SSR3: variants seen among roughly 807,000 people sequenced by gnomAD.
The protein encoded by SSR3 is translocon-associated protein subunit gamma.
A neutral mutation model predicts 22.1 loss-of-function variants in SSR3; 10 were observed. That is an observed-to-expected ratio of 0.45 (90% CI 0.28 to 0.77). The LOEUF is 0.77. Among genes scored for constraint, SSR3 ranks in the 30% least tolerant of loss-of-function variants. The pLI, the probability that SSR3 is intolerant of heterozygous loss-of-function variation, is 0.13. For missense variants in SSR3, 181 were observed against 220.5 expected, an observed-to-expected ratio of 0.82 and a Z score of 1.13; for synonymous variants, 104 against 82.5, an observed-to-expected ratio of 1.26 and a Z score of -1.42.
chr3:156,551,972 G>A (rs550521827), intron 2 of SSR3, among the ~76,000 whole-genome samples: 18 of 152,176 alleles, frequency 1.2e-4, no homozygotes, highest in African/African-American at 4.1e-4. Context: ...TGCATTCCAG[G>A]GGTCTAGAAG....
At chr3:156,554,885 G>A (rs1039249761) in intron 1 of SSR3, 72 bp downstream of exon 1, 20 of 1,547,864 alleles carry the variant, frequency 1.3e-5, no homozygotes, top group African/African-American at 4.1e-5. Flanking sequence ...CCTGCTCGCC[G>A]GGTCCTGCCA....
rs374738894 is a variant in SSR3 at position 156,553,800 on chromosome 3, G to C, written c.134-19C>G. On this transcript the variant is annotated intron_variant, in intron 1 of 4. Coordinates refer to ENST00000265044, the MANE Select transcript of SSR3 (RefSeq NM_007107.5). Reference sequence around the variant, plus strand: ...TATAACCCTGAATTAAAATAAAAGGGGGAAGGGTACAAAAAGAAGCAAAAC... The same window carrying C: ...TATAACCCTGAATTAAAATAAAAGGCGGAAGGGTACAAAAAGAAGCAAAAC... 124 of 1,580,506 alleles carry C rather than the reference G, an allele frequency of 7.8e-5. 1 individual carries two copies. The African/African-American group carries it at 1.5e-3, about 19-fold the overall frequency.
In SSR3 at chr3:156,543,216, G is replaced by C; in HGVS notation, c.545C>G (p.Thr182Ser). Residue 182 changes from threonine to serine, a missense_variant, in exon 5 of 5, where the codon ACT becomes AGT. Coordinates refer to ENST00000265044, the MANE Select transcript of SSR3 (RefSeq NM_007107.5). The stretch of plus-strand genomic sequence containing the variant: ...AGCTGACATGGTCTATTTGGAGCCA[G>C]TAGACAGGAGGGCGATGAGTCCTGA... The part of the protein sequence containing the change: ...ASSGLIALLS[T>S]GSK 4 of 1,613,838 alleles carry C rather than the reference G, an allele frequency of 2.5e-6. No individual in the cohort carries two copies. Among genetic ancestry groups the C allele is most frequent in the Non-Finnish European group, 3.4e-6 (4 of 1,179,900 alleles).
At chr3:156,549,148 C>G in intron 2 of SSR3, 145 bp from the exon 3 acceptor site, 1 of 834,544 alleles carries the variant, frequency 1.2e-6, no homozygotes, top group South Asian at 2.4e-5. Flanking sequence ...GCAGAAAGTT[C>G]CAAGTTTATT....
At chr3:156,543,407 C>A in intron 4 of SSR3, 138 bp from the exon 5 acceptor site, 1 of 557,556 alleles carries the variant, frequency 1.8e-6, no homozygotes, top group Non-Finnish European at 3.1e-6. Flanking sequence ...GCCCCATTGT[C>A]TGCAAACACA....
chr3:156,545,214 A>G (rs1203205479), intron 3 of SSR3, among the ~76,000 whole-genome samples: 1 of 152,198 alleles, frequency 6.6e-6, no homozygotes, highest in Non-Finnish European at 1.5e-5. Context: ...TGTGAACTCA[A>G]TCAAGTGGAT....
At chr3:156,554,929 C>T (rs1042537853) in intron 1 of SSR3, 28 bp downstream of exon 1, 2 of 1,604,982 alleles carry the variant, frequency 1.2e-6, no homozygotes, top group Admixed American at 1.7e-5. Flanking sequence ...CGGCGGCCTG[C>T]CTAACCCGCC....
In SSR3 at chr3:156,553,883, C is replaced by G. The variant is rs1250538899; in HGVS notation, c.134-102G>C. On this transcript the variant is annotated intron_variant, in intron 1 of 4. Transcript: ENST00000265044. ...AATTATAGCTAAGCCTGGTAAAATA[C>G]CAGGTTATTAGTTATGCAATCCAAT... 6.3e-5 allele frequency: 77 copies of G among 1,217,386 alleles called. 1 individual carries two copies. In the Middle Eastern group the frequency reaches 8.7e-4, roughly 14 times the overall value. The allele number at this position is 1,217,386 out of a possible 1,614,324, so 75.4% of individuals were successfully genotyped here. A position where few individuals can be genotyped will look rare whatever the true frequency, so the allele number is the denominator to read the frequency against.
At chr3:156,551,233 A>C (rs1719941233) in intron 2 of SSR3, among the ~76,000 whole-genome samples, 1 of 152,258 alleles carries the variant, frequency 6.6e-6, no homozygotes, top group African/African-American at 2.4e-5. Flanking sequence ...AAGGAGTATA[A>C]AATATGGCGG....
chr3:156,546,619 G>A (rs538889889), intron 3 of SSR3, among the ~76,000 whole-genome samples: 1 of 152,248 alleles, frequency 6.6e-6, no homozygotes, highest in East Asian at 1.9e-4. Flanking sequence ...ACCCCCAAAT[G>A]CCCTCATTGC....
rs16826514 is a variant in SSR3 at position 156,548,976 on chromosome 3, A to G, written c.288T>C (p.Val96=). 6.9e-3 allele frequency: 11,193 copies of G among 1,613,316 alleles called. 396 individuals are homozygous for G. In the East Asian group the frequency reaches 0.097, roughly 14 times the overall value. The stretch of plus-strand genomic sequence containing the variant: ...AAAGTTTTCGAGTCACTTCTTTGGA[A>G]ACAGCATCCTCCCTCTTCTGTGCTA... ...HKVAQKREDA[V]SKEVTRKLSE... is the part of the protein sequence containing the mutation. Residue 96 remains valine (V), a synonymous_variant, in exon 3 of 5, where the codon GTT becomes GTC. Transcript: ENST00000265044.
intron 3 of SSR3, among the ~76,000 whole-genome samples, chr3:156,545,953 T>C (rs538159446): frequency 1.3e-5 from 2 of 152,338 alleles, no homozygotes; most frequent in African/African-American, 4.8e-5. Flanking sequence ...TGAGACCCAG[T>C]GAAGTCAGGT....
intron 2 of SSR3, among the ~76,000 whole-genome samples, chr3:156,553,223 A>G (rs1459843949): frequency 6.6e-6 from 1 of 152,126 alleles, no homozygotes; most frequent in East Asian, 1.9e-4. Context: ...ATGCCACTGC[A>G]CTGCAGACTG....
chr3:156,542,966 C>T lies in SSR3; in HGVS notation c.*237G>A. On this transcript the variant is annotated 3_prime_UTR_variant, in exon 5 of 5. Transcript: ENST00000265044. The stretch of plus-strand genomic sequence containing the variant: ...CTTGTGATTACAGCACATTGCAAGA[C>T]ATTTTTTTCCTTTTAATAAACGTCC... 2 of 432,104 alleles carry T rather than the reference C, an allele frequency of 4.6e-6. No homozygotes were observed. Among genetic ancestry groups the T allele is most frequent in the Non-Finnish European group, 8.2e-6 (2 of 243,382 alleles). The allele number at this position is 432,104 out of a possible 1,614,324, so 26.8% of individuals were successfully genotyped here. A position where few individuals can be genotyped will look rare whatever the true frequency, so the allele number is the denominator to read the frequency against.
chr3:156,554,028 TAAAA>T (rs1669530360), intron 1 of SSR3: 2 of 322,132 alleles, frequency 6.2e-6, no homozygotes, highest in Admixed American at 4.9e-5. Flanking sequence ...TTTCAACTTC[TAAAA>T]TGAGAACAAA....
At chr3:156,554,577 T>A (rs1032060913) in intron 1 of SSR3, among the ~76,000 whole-genome samples, 8 of 152,136 alleles carry the variant, frequency 5.3e-5, no homozygotes, top group African/African-American at 1.9e-4. Context: ...TTATGCAAAA[T>A]AAGTAATAAG....
In SSR3 at chr3:156,543,098, A is replaced by G; in HGVS notation, c.*105T>C. ...TTCTGCTGGGTTTTTTAAAGGCTCT[A>G]GACTATAAAAACATCTTGTGTCTCC... On this transcript the variant is annotated 3_prime_UTR_variant, in exon 5 of 5. Transcript: ENST00000265044. The G allele has an allele frequency of 2.2e-6, 2 of 913,586 alleles. No homozygotes were observed. The highest frequency in any genetic ancestry group is 3.4e-6 in the Non-Finnish European group (2 of 586,812). The allele number at this position is 913,586 out of a possible 1,614,324, so 56.6% of individuals were successfully genotyped here. A position where few individuals can be genotyped will look rare whatever the true frequency, so the allele number is the denominator to read the frequency against.
chr3:156,544,087 T>C, intron 4 of SSR3: 1 of 414,724 alleles, frequency 2.4e-6, no homozygotes, highest in Non-Finnish European at 4.2e-6. Context: ...TAGACTACTT[T>C]GTAATACTTT....
intron 3 of SSR3, among the ~76,000 whole-genome samples, chr3:156,546,390 C>T (rs1458010488): frequency 6.6e-6 from 1 of 152,206 alleles, no homozygotes; most frequent in Non-Finnish European, 1.5e-5. Flanking sequence ...TACCCAGTCT[C>T]TGGTAGTATC....
Sources: gnomAD v4.1 joint callset for allele counts (sites outside exome capture counted in the v4.1 genomes callset) on GRCh38, gnomAD v4.1.1 for gene constraint, MANE v1.5 for transcripts, NCBI Gene and HGNC (gene_info 2026-07-23, HGNC 2026-07-21) for gene names.